Variants in SNED1 observed in about 807,000 individuals in gnomAD.
SNED1 encodes the protein sushi, nidogen and EGF-like domain-containing protein 1.
In SNED1, 81 loss-of-function variants were observed where a neutral mutation model predicts 166.7. The observed-to-expected ratio is 0.49, with a 90% CI of 0.41 to 0.58. SNED1 has a LOEUF of 0.58. SNED1 is among the 20% of genes least tolerant of loss of function. SNED1 has a pLI of 0.00. For synonymous variants in SNED1, 762 were observed against 822.0 expected (o/e 0.93, Z 1.25); for missense variants, 1,604 against 2,000.2 (o/e 0.80, Z 3.78).
Position 240,999,837 on chromosome 2 carries a change from A to G in SNED1, c.213+787A>G, listed in dbSNP as rs1313634241. The stretch of plus-strand genomic sequence containing the variant: ...AATGCACCTGGTAACTGCATGGAGC[A>G]CTCGCCCTGAGTAGGCCACGGTGCA... On this transcript the variant is annotated intron_variant, in intron 1 of 31. Coordinates refer to ENST00000310397, the MANE Select transcript of SNED1 (RefSeq NM_001080437.3). The surrounding 1 kb of genome is among the most constrained non-coding windows in gnomAD (Gnocchi z 5.8). Among the ~76,000 whole-genome samples the G allele has an allele frequency of 6.6e-6, 1 of 152,030 alleles. No homozygotes were observed. Among genetic ancestry groups the G allele is most frequent in the Non-Finnish European group, 1.5e-5 (1 of 67,984 alleles).
At chr2:241,017,891 T>A (rs1230591703) in intron 1 of SNED1, among the ~76,000 whole-genome samples, 1 of 152,192 alleles carries the variant, frequency 6.6e-6, no homozygotes, top group Non-Finnish European at 1.5e-5. Context: ...TTGACTGCCC[T>A]GTTGACGCCA....
At chr2:241,078,880 G>A (rs2063178423) in intron 27 of SNED1, among the ~76,000 whole-genome samples, 1 of 151,994 alleles carries the variant, frequency 6.6e-6, no homozygotes, top group African/African-American at 2.4e-5. Flanking sequence ...TTGGGAGGCT[G>A]AGGCAGGTGG....
At chr2:241,082,476 C>T in intron 29 of SNED1, 112 bp downstream of exon 29, 1 of 742,608 alleles carries the variant, frequency 1.3e-6, no homozygotes, top group South Asian at 1.9e-5. Context: ...TGGCTGCAGT[C>T]ACAGAAGGGA....
At position 241,048,662 on chromosome 2, in the gene SNED1, G is replaced by A. The variant is rs932960347; in HGVS notation, c.1400G>A (p.Arg467Lys). Reference sequence around the variant, plus strand: ...AGGCTCCTCCCTCTCTTCGTGGCAGGAGTCCCCGATGACTGTGAGTGCCGC... The same window carrying A: ...AGGCTCCTCCCTCTCTTCGTGGCAGAAGTCCCCGATGACTGTGAGTGCCGC... ...EGFMGLDCRE[R>K]VPDDCECRNG... The change falls in exon 10 of 32, where the codon AGA becomes AAA. Residue 467 changes from arginine (R) to lysine (K), a missense_variant and splice_region_variant. Physicochemically the swap from Arg to Lys is conservative, Grantham distance 26 (BLOSUM62 2). Transcript: ENST00000310397. 10 of 1,607,980 alleles carry A rather than the reference G, an allele frequency of 6.2e-6. No individual in the cohort carries two copies. Among genetic ancestry groups the A allele is most frequent in the Admixed American group, 1.7e-5 (1 of 59,096 alleles).
rs1203098982 is a variant in SNED1, at chr2:241,065,267, C to T, written c.2714-32C>T. Reference sequence around the variant, plus strand: ...CATGCATAGCTAACGGCTGACCAGTCCCCTCCCCTTGTTTTGACCCAAACC... The same window carrying T: ...CATGCATAGCTAACGGCTGACCAGTTCCCTCCCCTTGTTTTGACCCAAACC... On this transcript the variant is annotated intron_variant, in intron 20 of 31. Coordinates refer to ENST00000310397, the MANE Select transcript of SNED1 (RefSeq NM_001080437.3). 5 of 1,609,620 alleles carry T rather than the reference C, an allele frequency of 3.1e-6. No homozygotes were observed. The African/African-American group carries it at 5.3e-5, about 17-fold the overall frequency.
At chr2:241,036,667 C>A in intron 4 of SNED1, 123 bp from the exon 5 acceptor site, 2 of 1,300,592 alleles carry the variant, frequency 1.5e-6, no homozygotes, top group Non-Finnish European at 2.1e-6. Flanking sequence ...TTGCTGCGGT[C>A]ACCCGGGCAC....
intron 1 of SNED1, among the ~76,000 whole-genome samples, chr2:241,024,248 T>G (rs1427223936): frequency 8.1e-6 from 1 of 123,802 alleles, no homozygotes; most frequent in Non-Finnish European, 1.7e-5. Context: ...TTTTTTTTTT[T>G]TTTTTTTTTT....
At chr2:241,035,314 G>C (rs551205545) in intron 4 of SNED1, among the ~76,000 whole-genome samples, 2 of 152,270 alleles carry the variant, frequency 1.3e-5, no homozygotes, top group South Asian at 4.1e-4. Flanking sequence ...GAGTTCCAGG[G>C]GTCCTTCCAG....
At chr2:241,080,248 C>A (rs1011830542) in intron 27 of SNED1, among the ~76,000 whole-genome samples, 2 of 152,204 alleles carry the variant, frequency 1.3e-5, no homozygotes, top group Non-Finnish European at 2.9e-5. Context: ...CGCGACACTG[C>A]ACTCCAGCCT....
rs1191678297 is a variant in SNED1, at chr2:241,013,497, A to G, written c.213+14447A>G. ...TAGGCACGCACCACCACCTCCAGCTATATTTTTTTATTTTTCTTTTTTTGT... is the reference window on the plus strand; with the variant it reads ...TAGGCACGCACCACCACCTCCAGCTGTATTTTTTTATTTTTCTTTTTTTGT... On this transcript the variant is annotated intron_variant, in intron 1 of 31. Transcript: ENST00000310397. This position sits in a 1 kb window ranked among gnomAD's most constrained non-coding sequence, Gnocchi z 4.6. 6.6e-6 allele frequency among the ~76,000 whole-genome samples: 1 copy of G among 151,856 alleles called. No homozygotes were observed. Among genetic ancestry groups the G allele is most frequent in the African/African-American group, 2.4e-5 (1 of 41,290 alleles).
rs556162787 is a variant in SNED1, at chr2:241,057,948, C to T, written c.2257+4622C>T. ...GAAAAAAGTAATCAGAAGAACATGGCAAATATTAAGATTGGAAAGAATTAT... is the reference window on the plus strand; with the variant it reads ...GAAAAAAGTAATCAGAAGAACATGGTAAATATTAAGATTGGAAAGAATTAT... On this transcript the variant is annotated intron_variant, in intron 16 of 31. Coordinates refer to ENST00000310397, the MANE Select transcript of SNED1 (RefSeq NM_001080437.3). 4.6e-5 allele frequency among the ~76,000 whole-genome samples: 7 copies of T among 152,058 alleles called. No individual in the cohort carries two copies. The South Asian group carries it at 1.5e-3, about 32-fold the overall frequency.
At chr2:241,024,068 T>C (rs145174478) in intron 1 of SNED1, among the ~76,000 whole-genome samples, 2,527 of 150,550 alleles carry the variant, frequency 0.017, 38 homozygotes, top group South Asian at 0.038. Context: ...GTATTTTTAG[T>C]AGAAACGAGG....
chr2:241,007,730 C>T (rs551403550), intron 1 of SNED1, among the ~76,000 whole-genome samples: 29 of 152,298 alleles, frequency 1.9e-4, no homozygotes, highest in Non-Finnish European at 3.2e-4. Context: ...TTCAATGTTA[C>T]GCCACGAGCA....
chr2:241,004,378 C>T (rs1184244473), intron 1 of SNED1, among the ~76,000 whole-genome samples: 1 of 152,132 alleles, frequency 6.6e-6, no homozygotes, highest in Non-Finnish European at 1.5e-5. Flanking sequence ...TGTTTTAGAC[C>T]ATTTACATTT....
Position 241,094,655 on chromosome 2 carries a change from A to G in SNED1, c.*3019A>G. ...ACTGTTGTGGACCAGGCCTTAGATG[A>G]GTTTCTCAGGCTCAGCACTGACATT... is the stretch of plus-strand genomic sequence containing the variant. On this transcript the variant is annotated 3_prime_UTR_variant, in exon 32 of 32. Coordinates refer to ENST00000310397, the MANE Select transcript of SNED1 (RefSeq NM_001080437.3). This position sits in a 1 kb window ranked among gnomAD's most constrained non-coding sequence, Gnocchi z 4.3. The G allele has an allele frequency of 3.1e-6, 1 of 325,420 alleles. No homozygotes were observed. The highest frequency in any genetic ancestry group is 6.0e-6 in the Non-Finnish European group (1 of 166,356). The allele number at this position is 325,420 out of a possible 1,614,324, so 20.2% of individuals were successfully genotyped here.
Position 241,070,109 on chromosome 2 carries a change from C to G in SNED1, c.3497C>G (p.Pro1166Arg), listed in dbSNP as rs1464893360. The change falls in exon 24 of 32, where the codon CCG (proline) becomes CGG (arginine). Residue 1166 changes from proline (P) to arginine (R), a missense_variant. Physicochemically the swap from Pro to Arg is moderately radical, Grantham distance 103 (BLOSUM62 -2). Coordinates refer to ENST00000310397, the MANE Select transcript of SNED1 (RefSeq NM_001080437.3). Reference protein sequence around the residue: ...LASYTVRDLLPGRRYQLSVIA... With the variant: ...LASYTVRDLLRGRRYQLSVIA... The stretch of plus-strand genomic sequence containing the variant: ...TCCTACACGGTGCGCGACCTGCTGC[C>G]GGGACGGCGGTACCAGCTCTCTGTG... 19 of 1,612,684 alleles carry G rather than the reference C, an allele frequency of 1.2e-5. No homozygotes were observed. The highest frequency in any genetic ancestry group is 1.6e-5 in the Non-Finnish European group (19 of 1,179,844).
chr2:241,088,546 A>T, intron 31 of SNED1, 144 bp downstream of exon 31: 1 of 685,770 alleles, frequency 1.5e-6, no homozygotes. Context: ...TGTGTTACAG[A>T]CTCCCGGGCA....
intron 1 of SNED1, among the ~76,000 whole-genome samples, chr2:241,015,295 T>C (rs1035042286): frequency 6.6e-6 from 1 of 152,202 alleles, no homozygotes; most frequent in East Asian, 1.9e-4. Context: ...TTCAGTAAGG[T>C]TTCAGAATCG....
In SNED1 at chr2:241,049,807, C is replaced by T. The variant is rs751767021; in HGVS notation, c.1619-10C>T. ...AAGCTCCAGGACCACCCTCTGTCCC[C>T]CGCCCCCAGCCCTGCCATCACCCTG... On this transcript the variant is annotated splice_polypyrimidine_tract_variant and intron_variant, in intron 11 of 31. Transcript: ENST00000310397. 5.6e-6 allele frequency: 9 copies of T among 1,609,282 alleles called. No individual in the cohort carries two copies. The Admixed American group carries it at 8.3e-5, about 15-fold the overall frequency.
Sources: gnomAD v4.1 joint callset for allele counts (sites outside exome capture counted in the v4.1 genomes callset) on GRCh38, gnomAD v4.1.1 for gene constraint, Gnocchi (gnomAD v3.1) non-coding constraint, MANE v1.5 for transcripts, NCBI Gene and HGNC (gene_info 2026-07-23, HGNC 2026-07-21) for gene names.